Variants in ABLIM1 observed in about 807,000 individuals in gnomAD.
ABLIM1 encodes actin-binding LIM protein 1.
ABLIM1 carries 40 observed loss-of-function variants against 107.0 expected under a neutral mutation model. That is an observed-to-expected ratio of 0.37 (90% CI 0.29 to 0.49). The LOEUF is 0.49. Ranked by LOEUF, ABLIM1 falls within the 20% of genes least tolerant of loss-of-function variation. The pLI is 0.97. For synonymous variants in ABLIM1, 357 were observed against 357.3 expected, an observed-to-expected ratio of 1.00 and a Z score of 0.01; for missense variants, 857 against 1,008.5, an observed-to-expected ratio of 0.85 and a Z score of 2.04.
At chr10:114,477,026 C>A (rs2056552420) in intron 8 of ABLIM1, among the ~76,000 whole-genome samples, 2 of 152,058 alleles carry the variant, frequency 1.3e-5, no homozygotes, top group Non-Finnish European at 2.9e-5. Flanking sequence ...CATTATTATT[C>A]CTATTTTACA....
At position 114,442,982 on chromosome 10, in the gene ABLIM1, G is replaced by A. The variant is rs192777826; in HGVS notation, c.1933+1047C>T. ...GCCTCCCGAGTAGCCGGGACTGCAG[G>A]AGCCCGCCACCACACCTGGCTGATT... On this transcript the variant is annotated intron_variant, in intron 17 of 22. Coordinates refer to ENST00000533213, the MANE Select transcript of ABLIM1 (RefSeq NM_002313.7). 2.6e-3 allele frequency among the ~76,000 whole-genome samples: 397 copies of A among 152,226 alleles called. 2 individuals carry two copies. The highest frequency in any genetic ancestry group is 8.7e-3 in the African/African-American group (362 of 41,550).
At chr10:114,487,901 A>G in intron 8 of ABLIM1, 57 bp downstream of exon 8, 1 of 1,590,090 alleles carries the variant, frequency 6.3e-7, no homozygotes, top group South Asian at 1.1e-5. Context: ...AGAATTAGTG[A>G]CCACGAGCGT....
At chr10:114,650,696 C>G (rs572480623) in intron 1 of ABLIM1, among the ~76,000 whole-genome samples, 1 of 152,130 alleles carries the variant, frequency 6.6e-6, no homozygotes, top group Non-Finnish European at 1.5e-5. Flanking sequence ...GGGCTATTTT[C>G]CTTTTACTCG....
intron 20 of ABLIM1, 188 bp downstream of exon 20, chr10:114,439,894 C>T: frequency 1.0e-6 from 1 of 954,092 alleles, no homozygotes; most frequent in Non-Finnish European, 1.5e-6. Flanking sequence ...GTCCCCAAGG[C>T]CTGCAGGGAC....
At chr10:114,663,864 A>T (rs942415788) in intron 1 of ABLIM1, among the ~76,000 whole-genome samples, 9 of 152,216 alleles carry the variant, frequency 5.9e-5, no homozygotes, top group African/African-American at 1.9e-4. Context: ...CTGACCTTGG[A>T]GCAGGTACAC....
intron 1 of ABLIM1, among the ~76,000 whole-genome samples, chr10:114,719,600 G>A (rs1215594344): frequency 6.6e-6 from 1 of 152,190 alleles, no homozygotes. Flanking sequence ...GCAGTTATAA[G>A]GGCATCTCTC....
intron 1 of ABLIM1, chr10:114,632,323 CAGTCTG>C: frequency 1.0e-6 from 1 of 985,426 alleles, no homozygotes; most frequent in African/African-American, 1.7e-5. Flanking sequence ...CCCCCTCCCA[CAGTCTG>C]ATAAATGATT....
rs189392789 is a variant in ABLIM1 at position 114,528,272 on chromosome 10, G to A, written c.894+16733C>T. On this transcript the variant is annotated intron_variant, in intron 6 of 22. Transcript: ENST00000533213. Reference sequence around the variant, plus strand: ...GGTGTGAGCCACCCTGCCCTGCCACGTTTGTCATTTTTAAGAAGACTAGGA... The same window carrying A: ...GGTGTGAGCCACCCTGCCCTGCCACATTTGTCATTTTTAAGAAGACTAGGA... Among the ~76,000 whole-genome samples, 15 of 152,198 alleles carry A rather than the reference G, an allele frequency of 9.9e-5. No individual in the cohort carries two copies. In the East Asian group the frequency reaches 2.1e-3, roughly 22 times the overall value.
intron 1 of ABLIM1, among the ~76,000 whole-genome samples, chr10:114,711,121 C>T (rs1046184333): frequency 6.6e-6 from 1 of 152,214 alleles, no homozygotes; most frequent in Non-Finnish European, 1.5e-5. Flanking sequence ...TCTATGTTTT[C>T]CCCTATCAAT....
At chr10:114,740,419 C>T (rs1377207704) in intron 1 of ABLIM1, among the ~76,000 whole-genome samples, 3 of 150,848 alleles carry the variant, frequency 2.0e-5, no homozygotes, top group Non-Finnish European at 4.4e-5. Context: ...TTTAATTTTG[C>T]TTGGGACTGT....
intron 6 of ABLIM1, among the ~76,000 whole-genome samples, chr10:114,515,409 CT>C (rs1201719833): frequency 6.6e-6 from 1 of 152,164 alleles, no homozygotes; most frequent in Non-Finnish European, 1.5e-5. Flanking sequence ...TACAAGAGCC[CT>C]TTCCACCATG....
intron 1 of ABLIM1, among the ~76,000 whole-genome samples, chr10:114,665,152 G>A (rs1033393495): frequency 6.6e-6 from 1 of 151,952 alleles, no homozygotes; most frequent in African/African-American, 2.4e-5. Context: ...GAGATGTGGT[G>A]TATGTTTCAC....
the ABLIM1 span, among the ~76,000 whole-genome samples, chr10:114,785,111 T>C: frequency 5.3e-5 from 8 of 152,130 alleles, no homozygotes; most frequent in African/African-American, 1.9e-4. Context: ...ACAAAGTTTA[T>C]TTTTCAGATT....
At chr10:114,454,399 T>C (rs2062426504) in intron 12 of ABLIM1, among the ~76,000 whole-genome samples, 1 of 151,820 alleles carries the variant, frequency 6.6e-6, no homozygotes, top group Admixed American at 6.6e-5. Context: ...CATCAAAGAG[T>C]AAGCTCACCA....
At chr10:114,601,063 C>T (rs1478040770) in intron 2 of ABLIM1, among the ~76,000 whole-genome samples, 1 of 31,278 alleles carries the variant, frequency 3.2e-5, no homozygotes, top group African/African-American at 9.7e-5. Flanking sequence ...CACACACACA[C>T]ACACACACAC....
At chr10:114,439,410 T>G in intron 20 of ABLIM1, 160 bp from the exon 21 acceptor site, 1 of 769,098 alleles carries the variant, frequency 1.3e-6, no homozygotes. Flanking sequence ...AGATCCTTGC[T>G]GTATAGGAAC....
chr10:114,737,084 A>ATGGG (rs2082196123), intron 1 of ABLIM1, among the ~76,000 whole-genome samples: 2 of 152,038 alleles, frequency 1.3e-5, no homozygotes, highest in African/African-American at 4.8e-5. Flanking sequence ...AGCTACTCAA[A>ATGGG]AGGCTGAGGC....
At chr10:114,768,824 GGCT>G (rs1435384416), upstream of ABLIM1, among the ~76,000 whole-genome samples, 4 of 152,094 alleles carry the variant, frequency 2.6e-5, no homozygotes, top group African/African-American at 9.7e-5. Flanking sequence ...GGCTGGGCCG[GGCT>G]GGTGACCACT....
At chr10:114,442,991 A>G (rs1342328273) in intron 17 of ABLIM1, among the ~76,000 whole-genome samples, 1 of 152,024 alleles carries the variant, frequency 6.6e-6, no homozygotes, top group South Asian at 2.1e-4. Flanking sequence ...GGAGCCCGCC[A>G]CCACACCTGG....
Sources: gnomAD v4.1 joint callset for allele counts (sites outside exome capture counted in the v4.1 genomes callset) on GRCh38, gnomAD v4.1.1 for gene constraint, MANE v1.5 for transcripts, NCBI Gene and HGNC (gene_info 2026-07-23, HGNC 2026-07-21) for gene names.